Variants in CLVS2 observed in about 807,000 individuals in gnomAD.
CLVS2 encodes the protein clavesin-2.
Under a neutral mutation model 29.0 loss-of-function variants are expected in CLVS2, and 19 were observed. That is an observed-to-expected ratio of 0.66 (90% CI 0.46 to 0.96). The LOEUF is 0.96. CLVS2 is among the 40% of genes least tolerant of loss of function. CLVS2 has a pLI of 0.00. For synonymous variants in CLVS2, 161 were observed against 151.3 expected, an observed-to-expected ratio of 1.06 and a Z score of -0.47; for missense variants, 294 against 404.1, an observed-to-expected ratio of 0.73 and a Z score of 2.34.
At chr6:123,038,088 G>A (rs1775179398) in intron 3 of CLVS2, among the ~76,000 whole-genome samples, 1 of 152,206 alleles carries the variant, frequency 6.6e-6, no homozygotes, top group Non-Finnish European at 1.5e-5. Context: ...GGATCCTAAA[G>A]GTGGCCTGAT....
At chr6:123,059,481 T>C (rs1022766913) in intron 5 of CLVS2, among the ~76,000 whole-genome samples, 1 of 152,312 alleles carries the variant, frequency 6.6e-6, no homozygotes, top group South Asian at 2.1e-4. Context: ...GTTGAATGCA[T>C]GGAGGAGTGC....
intron 3 of CLVS2, among the ~76,000 whole-genome samples, chr6:123,033,535 T>C (rs937410779): frequency 6.6e-6 from 1 of 152,034 alleles, no homozygotes; most frequent in African/African-American, 2.4e-5. Context: ...GAACCTCAAC[T>C]TAAAGCTCAA....
chr6:123,060,342 G>A (rs1582666785), intron 5 of CLVS2, among the ~76,000 whole-genome samples: 1 of 152,064 alleles, frequency 6.6e-6, no homozygotes, highest in Non-Finnish European at 1.5e-5. Flanking sequence ...ACCTTATGCC[G>A]CCAATGCCTA....
At chr6:123,050,411 A>G (rs1050914228) in intron 4 of CLVS2, among the ~76,000 whole-genome samples, 8 of 152,124 alleles carry the variant, frequency 5.3e-5, no homozygotes, top group African/African-American at 1.9e-4. Flanking sequence ...TGGAGTATAT[A>G]TTGTTATTTT....
chr6:123,021,845 C>T (rs1381051354), intron 3 of CLVS2, among the ~76,000 whole-genome samples: 1 of 151,886 alleles, frequency 6.6e-6, no homozygotes, highest in Non-Finnish European at 1.5e-5. Context: ...AGGATGAGGC[C>T]ATATTTTTTT....
chr6:123,002,586 T>TAATAAAAATAATAAAATAA (rs1774604901), intron 2 of CLVS2, among the ~76,000 whole-genome samples: 1 of 144,162 alleles, frequency 6.9e-6, no homozygotes, highest in Admixed American at 7.0e-5. Flanking sequence ...GTACTAAAAA[T>TAATAAAAATAATAAAATAA]AATAAAATAA....
rs190420552 is a variant in CLVS2, at chr6:123,016,625, G to C, written c.564+5466G>C. On this transcript the variant is annotated intron_variant, in intron 3 of 5. Coordinates refer to ENST00000275162, the MANE Select transcript of CLVS2 (RefSeq NM_001010852.4). ...GTCAAGGCATGGCTTGCTGGCAAGG[G>C]GTTTGGCTGTAACAAGGGATTGAAT... 1.4e-3 allele frequency among the ~76,000 whole-genome samples: 220 copies of C among 152,126 alleles called. 2 individuals are homozygous for C. Among genetic ancestry groups the C allele is most frequent in the Non-Finnish European group, 6.2e-4 (42 of 67,980 alleles).
chr6:123,029,650 T>G (rs1365781805), intron 3 of CLVS2, among the ~76,000 whole-genome samples: 1 of 151,650 alleles, frequency 6.6e-6, no homozygotes, highest in Non-Finnish European at 1.5e-5. Context: ...AATAAGTTTT[T>G]TGTTTGTTTG....
At chr6:123,016,902 C>A (rs191023807) in intron 3 of CLVS2, among the ~76,000 whole-genome samples, 3 of 152,166 alleles carry the variant, frequency 2.0e-5, no homozygotes, top group African/African-American at 7.2e-5. Context: ...TGGCTCTAAG[C>A]GTTTGGAAGC....
intron 3 of CLVS2, among the ~76,000 whole-genome samples, chr6:123,021,654 A>AT (rs1177436220): frequency 6.6e-6 from 1 of 152,114 alleles, no homozygotes; most frequent in Non-Finnish European, 1.5e-5. Context: ...CAATGGTAAC[A>AT]TCTTCTAAAA....
intron 3 of CLVS2, among the ~76,000 whole-genome samples, chr6:123,022,696 G>T (rs1046036570): frequency 4.6e-5 from 7 of 151,936 alleles, no homozygotes; most frequent in Admixed American, 4.6e-4. Context: ...AATGCAACCA[G>T]CCTTGAACTA....
intron 2 of CLVS2, 57 bp from the exon 3 acceptor site, chr6:123,010,928 T>C: frequency 8.6e-7 from 1 of 1,158,258 alleles, no homozygotes; most frequent in Non-Finnish European, 1.2e-6. Context: ...AAATATTTTA[T>C]AGCTTTTTGG....
At chr6:123,002,128 T>A (rs1043825302) in intron 2 of CLVS2, among the ~76,000 whole-genome samples, 17 of 152,334 alleles carry the variant, frequency 1.1e-4, no homozygotes, top group Admixed American at 4.6e-4. Context: ...ATCTGGAATC[T>A]AGTTAATGGC....
chr6:123,049,455 A>G (rs974624165), intron 4 of CLVS2, among the ~76,000 whole-genome samples: 5 of 152,164 alleles, frequency 3.3e-5, no homozygotes, highest in Non-Finnish European at 7.4e-5. Flanking sequence ...AAGTAAATTT[A>G]GTAACCATTA....
chr6:123,063,014 T>A (rs1016334836), intron 5 of CLVS2, among the ~76,000 whole-genome samples: 1 of 152,210 alleles, frequency 6.6e-6, no homozygotes, highest in African/African-American at 2.4e-5. Flanking sequence ...TCAAATTATG[T>A]GCTTTCCTAA....
chr6:123,031,309 T>C (rs748224217), intron 3 of CLVS2, among the ~76,000 whole-genome samples: 3 of 152,128 alleles, frequency 2.0e-5, no homozygotes, highest in African/African-American at 7.2e-5. Flanking sequence ...TCATTACCTC[T>C]GTTTGCACAA....
chr6:123,000,671 C>T (rs1054289731), intron 2 of CLVS2, among the ~76,000 whole-genome samples: 8 of 152,198 alleles, frequency 5.3e-5, no homozygotes, highest in Admixed American at 4.6e-4. Context: ...TCATCCCTCC[C>T]CTGTTCTGTG....
chr6:123,035,387 A>G (rs1023358783), intron 3 of CLVS2, among the ~76,000 whole-genome samples: 1 of 152,120 alleles, frequency 6.6e-6, no homozygotes, highest in Non-Finnish European at 1.5e-5. Flanking sequence ...AGATGGTAGA[A>G]AAAAGGAAAT....
intron 3 of CLVS2, among the ~76,000 whole-genome samples, chr6:123,035,598 A>G (rs1334121435): frequency 1.3e-5 from 2 of 152,190 alleles, no homozygotes; most frequent in Non-Finnish European, 2.9e-5. Context: ...AATATGTCAC[A>G]TACTTCCATG....
Sources: allele counts gnomAD v4.1 joint callset (sites outside exome capture counted in the v4.1 genomes callset), GRCh38; gene constraint gnomAD v4.1.1; transcripts MANE v1.5; gene names NCBI Gene and HGNC (gene_info 2026-07-23, HGNC 2026-07-21).